The following CPNE4 variants were observed in gnomAD, a reference collection of about 807,000 sequenced individuals.
CPNE4 encodes the protein copine 4, also known as copine-4.
A neutral mutation model predicts 67.9 loss-of-function variants in CPNE4; 25 were observed. That is an observed-to-expected ratio of 0.37 (90% CI 0.27 to 0.51). The LOEUF (loss-of-function observed/expected upper bound fraction) is 0.51, where lower values mean the gene tolerates loss of function less well. Among genes scored for constraint, CPNE4 ranks in the 20% least tolerant of loss-of-function variants. The probability of loss-of-function intolerance (pLI) is 0.93; values close to 1 mark genes in which losing one functional copy is unlikely to be tolerated. For missense variants in CPNE4, 464 were observed against 690.8 expected, an observed-to-expected ratio of 0.67 and a Z score of 3.68; for synonymous variants, 242 against 244.9, an observed-to-expected ratio of 0.99 and a Z score of 0.11.
At chr3:131,725,621 T>G (rs1189868813) in intron 2 of CPNE4, among the ~76,000 whole-genome samples, 3 of 152,220 alleles carry the variant, frequency 2.0e-5, no homozygotes, top group Non-Finnish European at 4.4e-5. Flanking sequence ...TCAGCATAAT[T>G]TTTCTGTTGT....
At chr3:131,688,880 G>C (rs1015795178) in intron 5 of CPNE4, among the ~76,000 whole-genome samples, 1 of 151,878 alleles carries the variant, frequency 6.6e-6, no homozygotes, top group Non-Finnish European at 1.5e-5. Context: ...TAAAAATTTT[G>C]TAATCATGAT....
intron 7 of CPNE4, among the ~76,000 whole-genome samples, chr3:131,659,711 G>A (rs80130939): frequency 1.3e-4 from 20 of 152,246 alleles, no homozygotes; most frequent in African/African-American, 4.6e-4. Context: ...CCTCATAATG[G>A]TTGGGCAAGG....
chr3:131,872,298 A>C (rs2087249549), intron 2 of CPNE4, among the ~76,000 whole-genome samples: 1 of 152,148 alleles, frequency 6.6e-6, no homozygotes, highest in African/African-American at 2.4e-5. Context: ...CAAGATTTGC[A>C]AGGGTGAGTC....
At chr3:131,557,757 T>G (rs1318025816) in intron 11 of CPNE4, among the ~76,000 whole-genome samples, 1 of 152,008 alleles carries the variant, frequency 6.6e-6, no homozygotes, top group African/African-American at 2.4e-5. Flanking sequence ...CTGAAATACT[T>G]TGCCTCAGCA....
At chr3:131,889,745 A>G (rs1435693237) in intron 2 of CPNE4, among the ~76,000 whole-genome samples, 4 of 152,210 alleles carry the variant, frequency 2.6e-5, no homozygotes, top group Non-Finnish European at 5.9e-5. Context: ...AATTAGTGGC[A>G]TCTTCACTTT....
At chr3:131,951,715 G>A (rs1344039977) in intron 1 of CPNE4, among the ~76,000 whole-genome samples, 10 of 152,260 alleles carry the variant, frequency 6.6e-5, no homozygotes, top group Middle Eastern at 3.4e-3. Flanking sequence ...AGCGCGTGCC[G>A]CCACGCCTGA....
chr3:131,599,660 G>C (rs1428905712), intron 7 of CPNE4, among the ~76,000 whole-genome samples: 2 of 152,174 alleles, frequency 1.3e-5, no homozygotes, highest in African/African-American at 4.8e-5. Context: ...CCCTTGTCTA[G>C]ACTGGTGGGC....
In CPNE4 at chr3:131,993,371, T is replaced by C. The variant is rs1400417029; in HGVS notation, c.-2+41196A>G. Reference sequence around the variant, plus strand: ...CTTAATTTCTTGACTAGCATTCTTTTGAAAAAGCAAAAGATGATCATGGAG... The same window carrying C: ...CTTAATTTCTTGACTAGCATTCTTTCGAAAAAGCAAAAGATGATCATGGAG... On this transcript the variant is annotated intron_variant, in intron 1 of 15. Coordinates refer to ENST00000429747, the MANE Select transcript of CPNE4 (RefSeq NM_130808.3). Among the ~76,000 whole-genome samples the C allele has an allele frequency of 2.4e-5, 3 of 123,596 alleles. 1 individual carries two copies. Among genetic ancestry groups the C allele is most frequent in the South Asian group, 5.8e-4 (2 of 3,436 alleles). 81.1% of individuals were successfully genotyped at this position (123,596 alleles called of 152,430 possible). A position where few individuals can be genotyped will look rare whatever the true frequency, so the allele number is the denominator to read the frequency against.
chr3:131,705,966 C>T (rs117951998), intron 3 of CPNE4, among the ~76,000 whole-genome samples: 18 of 152,314 alleles, frequency 1.2e-4, no homozygotes, highest in East Asian at 3.9e-4. Context: ...CCCCCATCTC[C>T]GCTTCTCATC....
intron 4 of CPNE4, among the ~76,000 whole-genome samples, chr3:131,698,909 CAAA>C (rs750798265): frequency 8.5e-4 from 74 of 87,042 alleles, no homozygotes; most frequent in Non-Finnish European, 1.2e-3. Flanking sequence ...GACACTGTCT[CAAA>C]AAAAAAAAAA....
intron 1 of CPNE4, among the ~76,000 whole-genome samples, chr3:131,909,579 A>G (rs2088899520): frequency 6.6e-6 from 1 of 152,112 alleles, no homozygotes; most frequent in South Asian, 2.1e-4. Flanking sequence ...CTGCAAAGAA[A>G]TCTTATTGAA....
chr3:131,723,322 T>C, intron 3 of CPNE4, 124 bp downstream of exon 3: 1 of 834,510 alleles, frequency 1.2e-6, no homozygotes, highest in Non-Finnish European at 1.9e-6. Context: ...TGTAAAATGC[T>C]GCATGTTAAA....
At chr3:131,818,740 A>T (rs1008865029) in intron 2 of CPNE4, among the ~76,000 whole-genome samples, 5 of 152,220 alleles carry the variant, frequency 3.3e-5, no homozygotes, top group African/African-American at 9.6e-5. Context: ...AGATAATAAC[A>T]TCCCCATTTT....
intron 1 of CPNE4, among the ~76,000 whole-genome samples, chr3:131,994,241 T>C (rs1228587315): frequency 7.3e-6 from 1 of 136,354 alleles, no homozygotes; most frequent in Non-Finnish European, 1.7e-5. Flanking sequence ...GATTGGAAGA[T>C]TTAATATTGT....
chr3:131,801,442 GTGTGTGTGTGTA>G (rs1473817629), intron 2 of CPNE4, among the ~76,000 whole-genome samples: 2 of 90,754 alleles, frequency 2.2e-5, no homozygotes, highest in Admixed American at 1.0e-4. Flanking sequence ...GTGTGTGTGT[GTGTGTGTGTGTA>G]TATATATATA....
At chr3:131,804,551 C>T (rs1474623146) in intron 2 of CPNE4, among the ~76,000 whole-genome samples, 1 of 152,132 alleles carries the variant, frequency 6.6e-6, no homozygotes, top group Non-Finnish European at 1.5e-5. Context: ...AAATGGTTTT[C>T]TTTTACCTTT....
intron 3 of CPNE4, among the ~76,000 whole-genome samples, chr3:131,709,022 C>T (rs1342590120): frequency 8.9e-6 from 1 of 111,932 alleles, no homozygotes; most frequent in Non-Finnish European, 1.8e-5. Flanking sequence ...ATATAATACT[C>T]ATAAAAATGT....
intron 7 of CPNE4, among the ~76,000 whole-genome samples, chr3:131,628,084 G>A (rs2079122659): frequency 6.6e-6 from 1 of 152,230 alleles, no homozygotes; most frequent in South Asian, 2.1e-4. Context: ...AATCTTTCAT[G>A]AAATAAAGAG....
chr3:131,997,509 G>C (rs564257774), intron 1 of CPNE4, among the ~76,000 whole-genome samples: 1 of 152,138 alleles, frequency 6.6e-6, no homozygotes, highest in African/African-American at 2.4e-5. Context: ...TCTGTTCCTC[G>C]TTTTTCTTTA....
Sources: gnomAD v4.1 joint callset for allele counts (sites outside exome capture counted in the v4.1 genomes callset) on GRCh38, gnomAD v4.1.1 for gene constraint, MANE v1.5 for transcripts, NCBI Gene and HGNC (gene_info 2026-07-23, HGNC 2026-07-21) for gene names.